The following NEBL variants were observed in gnomAD, a reference collection of about 807,000 sequenced individuals.
The protein encoded by NEBL is nebulette.
In NEBL, 122 loss-of-function variants were observed where a neutral mutation model predicts 140.2. The observed-to-expected ratio is 0.87, with a 90% CI of 0.75 to 1.01. The LOEUF (loss-of-function observed/expected upper bound fraction) is 1.01. Ranked by LOEUF, NEBL falls within the 50% of genes least tolerant of loss-of-function variation. NEBL has a pLI of 0.00. For missense variants in NEBL, 1,365 were observed against 1,231.3 expected (o/e 1.11, Z -1.62); for synonymous variants, 436 against 398.9 (o/e 1.09, Z -1.11).
At chr10:20,791,446 C>T (rs1424920659) in intron 26 of NEBL, among the ~76,000 whole-genome samples, 1 of 152,088 alleles carries the variant, frequency 6.6e-6, no homozygotes, top group Non-Finnish European at 1.5e-5. Context: ...CTCTGTCACC[C>T]AGGCTGTAGA....
intron 2 of NEBL, among the ~76,000 whole-genome samples, chr10:21,044,896 T>C (rs1589168843): frequency 6.6e-6 from 1 of 152,104 alleles, no homozygotes; most frequent in Non-Finnish European, 1.5e-5. Context: ...TTGACAAAAA[T>C]ACTTAATGAA....
At chr10:21,292,362 A>C (rs1404473400) in intron 1 of NEBL, among the ~76,000 whole-genome samples, 1 of 152,250 alleles carries the variant, frequency 6.6e-6, no homozygotes, top group Non-Finnish European at 1.5e-5. Flanking sequence ...AATGATAGGC[A>C]AACCAGAATA....
chr10:20,991,454 A>G (rs1289571294), intron 3 of NEBL, among the ~76,000 whole-genome samples: 1 of 152,148 alleles, frequency 6.6e-6, no homozygotes, highest in African/African-American at 2.4e-5. Flanking sequence ...TTTTCATGGA[A>G]AAGATAAAAT....
chr10:21,058,606 T>C (rs1428517268), intron 2 of NEBL, among the ~76,000 whole-genome samples: 3 of 152,168 alleles, frequency 2.0e-5, no homozygotes, highest in Non-Finnish European at 4.4e-5. Context: ...TTTAATGGCA[T>C]GTTTATCAAA....
intron 5 of NEBL, 111 bp from the exon 6 acceptor site, chr10:20,869,952 T>A: frequency 1.3e-6 from 1 of 791,048 alleles, no homozygotes; most frequent in Admixed American, 2.0e-5. Context: ...TTAGAGAGCC[T>A]ACTGACCTTA....
intron 3 of NEBL, among the ~76,000 whole-genome samples, chr10:20,988,857 G>A (rs1356033603): frequency 5.3e-5 from 8 of 152,190 alleles, no homozygotes; most frequent in Admixed American, 5.2e-4. Context: ...TCAACTTCTT[G>A]GGAGCATTTG....
intron 4 of NEBL, among the ~76,000 whole-genome samples, chr10:20,950,818 GAC>G (rs1227756526): frequency 6.6e-6 from 1 of 152,178 alleles, no homozygotes; most frequent in Admixed American, 6.5e-5. Context: ...TATCAAAAAT[GAC>G]AGTGTTAAGA....
At chr10:20,929,730 G>C (rs1834088733) in intron 4 of NEBL, among the ~76,000 whole-genome samples, 1 of 127,050 alleles carries the variant, frequency 7.9e-6, no homozygotes, top group South Asian at 2.6e-4. Flanking sequence ...TGGAATAATA[G>C]ACACTAGAGA....
rs1837984672 is a variant in NEBL at position 21,110,986 on chromosome 10, A to T, written c.164+61397T>A. The T allele has an allele frequency of 1.1e-5, 4 of 362,642 alleles. 1 individual carries two copies. Among genetic ancestry groups the T allele is most frequent in the South Asian group, 9.4e-5 (4 of 42,410 alleles). 22.5% of individuals were successfully genotyped at this position (362,642 alleles called of 1,614,324 possible). A position where few individuals can be genotyped will look rare whatever the true frequency, so the allele number is the denominator to read the frequency against. On this transcript the variant is annotated intron_variant, in intron 2 of 6. Transcript: ENST00000417816. ...GGAGCCAAATCATGAGTGAACTCCCATTCACAATTGCTACAAAGAGAATAA... is the reference window on the plus strand; with the variant it reads ...GGAGCCAAATCATGAGTGAACTCCCTTTCACAATTGCTACAAAGAGAATAA...
chr10:20,946,487 G>T (rs1440562957), intron 4 of NEBL, among the ~76,000 whole-genome samples: 1 of 151,980 alleles, frequency 6.6e-6, no homozygotes, highest in Non-Finnish European at 1.5e-5. Context: ...TTTGAGACAG[G>T]ATCTCGCTCT....
intron 3 of NEBL, among the ~76,000 whole-genome samples, chr10:21,184,818 A>G (rs543550130): frequency 4.6e-5 from 7 of 152,350 alleles, no homozygotes; most frequent in Non-Finnish European, 7.3e-5. Flanking sequence ...TGATGATATC[A>G]TTTTTTGTTA....
chr10:21,027,398 C>T (rs1051616163), intron 2 of NEBL, among the ~76,000 whole-genome samples: 1 of 151,286 alleles, frequency 6.6e-6, no homozygotes, highest in Non-Finnish European at 1.5e-5. Flanking sequence ...CAGGATCACA[C>T]ATCACCGCAG....
In NEBL at chr10:20,793,367, G is replaced by A. The variant is rs1019658216; in HGVS notation, c.2762-6059C>T. On this transcript the variant is annotated intron_variant, in intron 26 of 27. Coordinates refer to ENST00000377122, the MANE Select transcript of NEBL (RefSeq NM_006393.3). ...TGTTAAATCTTCAGTTTCAGCAGGA[G>A]CAACAAACCCTGGAAAGGAAGGACA... 1.0e-5 allele frequency: 10 copies of A among 978,032 alleles called. No homozygotes were observed. In the African/African-American group the frequency reaches 1.6e-4, roughly 15 times the overall value. The allele number at this position is 978,032 out of a possible 1,614,324, so 60.6% of individuals were successfully genotyped here.
chr10:21,288,474 G>T (rs868194717), intron 1 of NEBL, among the ~76,000 whole-genome samples: 1 of 148,674 alleles, frequency 6.7e-6, no homozygotes, highest in Non-Finnish European at 1.5e-5. Flanking sequence ...TCTCAAAAAA[G>T]AGAAAAAGCC....
Position 20,850,388 on chromosome 10 carries a change from G to A in NEBL, c.1116+7C>T. 6.4e-7 allele frequency: 1 copy of A among 1,560,218 alleles called. No individual in the cohort carries two copies. Among genetic ancestry groups the A allele is most frequent in the Non-Finnish European group, 8.8e-7 (1 of 1,131,140 alleles). ...TTAAACAATTAGTAACAAACTAATT[G>A]ACCTACTTCACTTTGCATCTTTTGA... On this transcript the variant is annotated splice_region_variant and intron_variant, in intron 11 of 27. Coordinates refer to ENST00000377122, the MANE Select transcript of NEBL (RefSeq NM_006393.3).
At chr10:21,258,508 C>T (rs1196225470) in intron 1 of NEBL, among the ~76,000 whole-genome samples, 1 of 152,086 alleles carries the variant, frequency 6.6e-6, no homozygotes, top group Non-Finnish European at 1.5e-5. Flanking sequence ...AGTTTGAGAC[C>T]AGCCTGGCCA....
At chr10:21,034,899 C>T (rs983657676) in intron 2 of NEBL, among the ~76,000 whole-genome samples, 1 of 152,010 alleles carries the variant, frequency 6.6e-6, no homozygotes, top group African/African-American at 2.4e-5. Flanking sequence ...CACCTGTCAA[C>T]CCATCACCTA....
chr10:21,143,863 A>G (rs1424393849), intron 2 of NEBL, among the ~76,000 whole-genome samples: 1 of 152,122 alleles, frequency 6.6e-6, no homozygotes, highest in Middle Eastern at 3.2e-3. Context: ...TAAGACAAGA[A>G]AAGAAAAAAA....
intron 4 of NEBL, among the ~76,000 whole-genome samples, chr10:20,952,491 T>G (rs1835528995): frequency 1.3e-5 from 2 of 151,948 alleles, no homozygotes; most frequent in South Asian, 4.2e-4. Context: ...AGGAAGTTTT[T>G]TTTCTTTTTT....
Sources: gnomAD v4.1 joint callset for allele counts (sites outside exome capture counted in the v4.1 genomes callset) on GRCh38, gnomAD v4.1.1 for gene constraint, MANE v1.5 for transcripts, NCBI Gene and HGNC (gene_info 2026-07-23, HGNC 2026-07-21) for gene names.